PTPN13: variants seen among roughly 807,000 people sequenced by gnomAD.
The protein encoded by PTPN13 is protein tyrosine phosphatase non-receptor type 13.
A neutral mutation model predicts 284.0 loss-of-function variants in PTPN13; 191 were observed. That is an observed-to-expected ratio of 0.67 (90% confidence interval 0.60 to 0.76). The LOEUF is 0.76. Ranked by LOEUF, PTPN13 falls within the 30% of genes least tolerant of loss-of-function variation. PTPN13 has a pLI of 0.00. For missense variants in PTPN13, 2,797 were observed against 2,939.9 expected, an observed-to-expected ratio of 0.95 and a Z score of 1.12; for synonymous variants, 986 against 1,022.3, an observed-to-expected ratio of 0.96 and a Z score of 0.68.
At position 86,753,820 on chromosome 4, in the gene PTPN13, G is replaced by A. The variant is rs532211067; in HGVS notation, c.3223+755G>A. The stretch of plus-strand genomic sequence containing the variant: ...CCATACACTACTTTCCTCCAAAAAT[G>A]TTTCAGTCTTGGACTCTTAAAGTTG... On this transcript the variant is annotated intron_variant, in intron 20 of 47. Coordinates refer to ENST00000411767, the MANE Select transcript of PTPN13 (RefSeq NM_080683.3). 3.4e-4 allele frequency among the ~76,000 whole-genome samples: 52 copies of A among 152,086 alleles called. 1 individual carries two copies. The highest frequency in any genetic ancestry group is 1.2e-3 in the African/African-American group (49 of 41,516).
chr4:86,594,627 GGCTCCTTCTACA>G lies in PTPN13; in HGVS notation c.-159_-148del, dbSNP rs1299508675. 6.6e-6 allele frequency: 1 copy of G among 152,196 alleles called. No homozygotes were observed. Among genetic ancestry groups the G allele is most frequent in the Admixed American group, 6.5e-5 (1 of 15,278 alleles). 9.4% of individuals were successfully genotyped at this position (152,196 alleles called of 1,614,324 possible). Reference sequence around the variant, plus strand: ...GCTGCTCCTCTTCTCCCCCTCCCCAGGCTCCTTCTACAGCTCCTTCAGCCCACGCCCGCAGCC... The same window carrying G: ...GCTGCTCCTCTTCTCCCCCTCCCCAGGCTCCTTCAGCCCACGCCCGCAGCC... On this transcript the variant is annotated 5_prime_UTR_variant, in exon 1 of 48. Transcript: ENST00000411767.
chr4:86,784,695 A>G (rs527759891), intron 38 of PTPN13, 137 bp downstream of exon 38: 2 of 621,244 alleles, frequency 3.2e-6, no homozygotes, highest in East Asian at 3.0e-5. Flanking sequence ...TCAAATAAAC[A>G]AAAGAACAAT....
chr4:86,799,331 TTTC>T, intron 42 of PTPN13, 127 bp downstream of exon 42: 1 of 578,840 alleles, frequency 1.7e-6, no homozygotes. Flanking sequence ...TTTTTTTTTT[TTTC>T]TTTTTTTGAG....
rs185525065 is a variant in PTPN13 at position 86,667,947 on chromosome 4, A to C, written c.116-4418A>C. Among the ~76,000 whole-genome samples, 613 of 152,292 alleles carry C rather than the reference A, an allele frequency of 4.0e-3. 8 individuals are homozygous for C. The highest frequency in any genetic ancestry group is 3.5e-3 in the South Asian group (17 of 4,828). The stretch of plus-strand genomic sequence containing the variant: ...AGATGAAAAATAAGGGGACAATCTA[A>C]AGGAAATGGCAAGAACCCTCAGGGA... On this transcript the variant is annotated intron_variant, in intron 2 of 47. Transcript: ENST00000411767.
intron 42 of PTPN13, among the ~76,000 whole-genome samples, chr4:86,800,748 A>T (rs1176654948): frequency 6.6e-6 from 1 of 152,042 alleles, no homozygotes; most frequent in Non-Finnish European, 1.5e-5. Flanking sequence ...GGGAGGAAGG[A>T]AGTTAGTTTA....
rs1198088326 is a variant in PTPN13 at position 86,635,265 on chromosome 4, G to A, written c.9G>A (p.Val3=). The part of the protein sequence containing the change: MH[V]SLAEALEVRG... ...TTTGTTTCCCAGGTAATATGCACGT[G>A]TCACTAGCTGAGGCCCTGGAGGTTC... Residue 3 remains valine (V), a synonymous_variant, in exon 2 of 48, where the codon GTG becomes GTA. Coordinates refer to ENST00000411767, the MANE Select transcript of PTPN13 (RefSeq NM_080683.3). The A allele has an allele frequency of 7.5e-6, 12 of 1,600,502 alleles. 1 individual carries two copies. Among genetic ancestry groups the A allele is most frequent in the Middle Eastern group, 1.7e-4 (1 of 6,050 alleles).
At position 86,762,915 on chromosome 4, in the gene PTPN13, G is replaced by T; in HGVS notation, c.3742G>T (p.Asp1248Tyr). The T allele has an allele frequency of 6.2e-7, 1 of 1,613,914 alleles. No homozygotes were observed. Among genetic ancestry groups the T allele is most frequent in the Non-Finnish European group, 8.5e-7 (1 of 1,179,860 alleles). The change falls in exon 24 of 48, where the codon GAT becomes TAT. Residue 1248 changes from aspartate to tyrosine, a missense_variant. Transcript: ENST00000411767. ...GCGGGAAGGAAGCCTGAGTTCTCAA[G>T]ATTCCAGGACTGAGAGTGCCAGCTT... ...GLREGSLSSQ[D>Y]SRTESASLSQ...
At chr4:86,671,775 A>G (rs190145262) in intron 2 of PTPN13, among the ~76,000 whole-genome samples, 66 of 152,382 alleles carry the variant, frequency 4.3e-4, no homozygotes, top group African/African-American at 1.5e-3. Flanking sequence ...AAGACATTTC[A>G]TTGTAGTTAG....
At chr4:86,760,101 TTTC>T (rs1472373719) in intron 23 of PTPN13, among the ~76,000 whole-genome samples, 10 of 152,304 alleles carry the variant, frequency 6.6e-5, no homozygotes, top group East Asian at 3.9e-4. Flanking sequence ...TTGAGTATGA[TTTC>T]TTCTTACTGG....
At chr4:86,770,777 A>G (rs1739901331) in intron 30 of PTPN13, among the ~76,000 whole-genome samples, 2 of 152,328 alleles carry the variant, frequency 1.3e-5, no homozygotes, top group South Asian at 4.1e-4. Flanking sequence ...AAGTTCTTCT[A>G]GATTTCTATT....
chr4:86,771,672 G>A, intron 31 of PTPN13, 137 bp downstream of exon 31: 1 of 963,172 alleles, frequency 1.0e-6, no homozygotes. Flanking sequence ...TGACTCTATT[G>A]GATGTCTAGC....
intron 2 of PTPN13, among the ~76,000 whole-genome samples, chr4:86,654,468 G>T (rs1166871694): frequency 6.6e-6 from 1 of 152,178 alleles, no homozygotes; most frequent in African/African-American, 2.4e-5. Flanking sequence ...TGGTTTCAAA[G>T]AACATCTTTA....
At position 86,775,617 on chromosome 4, in the gene PTPN13, C is replaced by T. The variant is rs573308724; in HGVS notation, c.5856C>T (p.Asp1952=). 5.0e-6 allele frequency: 8 copies of T among 1,612,926 alleles called. No homozygotes were observed. Among genetic ancestry groups the T allele is most frequent in the South Asian group, 4.4e-5 (4 of 90,762 alleles). The change falls in exon 35 of 48, where the codon GAC becomes GAT. Residue 1952 remains aspartate, a synonymous_variant. Coordinates refer to ENST00000411767, the MANE Select transcript of PTPN13 (RefSeq NM_080683.3). ...TGGAGGAAGTTAACAGAGCATTAGA[C>T]ATGTCACTTCCTTCATTGGTATTGA... is the stretch of plus-strand genomic sequence containing the variant. ...MTLEEVNRAL[D]MSLPSLVLKA... is the part of the protein sequence containing the mutation.
At chr4:86,641,773 T>C (rs988819324) in intron 2 of PTPN13, among the ~76,000 whole-genome samples, 1 of 152,202 alleles carries the variant, frequency 6.6e-6, no homozygotes, top group Non-Finnish European at 1.5e-5. Context: ...CCCTGAGAAA[T>C]CATGAGATAG....
At chr4:86,717,415 C>T (rs1733160607) in intron 9 of PTPN13, among the ~76,000 whole-genome samples, 1 of 152,086 alleles carries the variant, frequency 6.6e-6, no homozygotes, top group Admixed American at 6.5e-5. Context: ...TCTCGAACTC[C>T]TGACCTCAAG....
At chr4:86,743,231 C>A (rs1042192766) in intron 16 of PTPN13, among the ~76,000 whole-genome samples, 1 of 152,122 alleles carries the variant, frequency 6.6e-6, no homozygotes, top group East Asian at 1.9e-4. Context: ...GATATTAAAT[C>A]ATCTATACTA....
chr4:86,769,900 C>G lies in PTPN13; in HGVS notation c.4621C>G (p.Pro1541Ala). 6.2e-7 allele frequency: 1 copy of G among 1,613,910 alleles called. No homozygotes were observed. Among genetic ancestry groups the G allele is most frequent in the East Asian group, 2.2e-5 (1 of 44,876 alleles). The change falls in exon 29 of 48, where the codon CCA becomes GCA. Residue 1541 changes from proline to alanine, a missense_variant. Coordinates refer to ENST00000411767, the MANE Select transcript of PTPN13 (RefSeq NM_080683.3). ...GGTTAAAAAGCTCTTTCCTGGACAG[C>G]CAGCAGCAGAAAGTGGAAAAATTGA... The part of the protein sequence containing the change: ...VRVKKLFPGQ[P>A]AAESGKIDVG...
At chr4:86,699,660 G>A (rs956879671) in intron 6 of PTPN13, among the ~76,000 whole-genome samples, 1 of 152,140 alleles carries the variant, frequency 6.6e-6, no homozygotes, top group Non-Finnish European at 1.5e-5. Flanking sequence ...GTTTTTCCAA[G>A]TTTTAACTGC....
chr4:86,747,324 A>G (rs1188008491), intron 17 of PTPN13, among the ~76,000 whole-genome samples: 10 of 152,370 alleles, frequency 6.6e-5, no homozygotes, highest in Admixed American at 5.9e-4. Context: ...AATGATTGCC[A>G]TAAGATAATA....
Sources: allele counts gnomAD v4.1 joint callset (sites outside exome capture counted in the v4.1 genomes callset), GRCh38; gene constraint gnomAD v4.1.1; transcripts MANE v1.5; gene names NCBI Gene and HGNC (gene_info 2026-07-23, HGNC 2026-07-21).